The following IL3RA variants were observed in gnomAD, a reference collection of about 807,000 sequenced individuals.
The protein encoded by IL3RA is interleukin 3 receptor subunit alpha.
Under a neutral mutation model 52.3 loss-of-function variants are expected in IL3RA, and 73 were observed. The observed-to-expected ratio is 1.40, with a 90% CI of 1.16 to 1.70. IL3RA has a LOEUF of 1.70. Among genes scored for constraint, IL3RA ranks in the 40% most tolerant of loss-of-function variants. IL3RA has a pLI of 0.00. For missense variants in IL3RA, 664 were observed against 504.4 expected (o/e 1.32, Z -3.03); for synonymous variants, 260 against 194.0 (o/e 1.34, Z -2.83).
chrX:1,357,794 GTT>G (rs1180616741), intron 7 of IL3RA, among the ~76,000 whole-genome samples: 1 of 140,052 alleles, frequency 7.1e-6, no homozygotes, highest in Non-Finnish European at 1.6e-5. Context: ...ATCTGTTTGG[GTT>G]TTTTTTTTTT....
At chrX:1,338,688 CCA>C (rs1188298344) in intron 1 of IL3RA, among the ~76,000 whole-genome samples, 3 of 152,164 alleles carry the variant, frequency 2.0e-5, no homozygotes, top group African/African-American at 7.2e-5. Context: ...ACAGGCAAAT[CCA>C]CAGAGACAGA....
intron 9 of IL3RA, among the ~76,000 whole-genome samples, chrX:1,378,300 A>AT (rs1329417493): frequency 2.0e-5 from 3 of 152,102 alleles, no homozygotes; most frequent in Admixed American, 2.0e-4. Flanking sequence ...CTGCCCCTCC[A>AT]TGCTGCCCAC....
At chrX:1,359,875 CTG>C (rs1283444284) in intron 8 of IL3RA, among the ~76,000 whole-genome samples, 19 of 147,724 alleles carry the variant, frequency 1.3e-4, no homozygotes, top group African/African-American at 4.8e-4. Context: ...GTGTCTGTCT[CTG>C]TAACCTTCTC....
intron 7 of IL3RA, among the ~76,000 whole-genome samples, chrX:1,358,316 C>T (rs1569524001): frequency 1.3e-5 from 2 of 151,952 alleles, no homozygotes; most frequent in Admixed American, 1.3e-4. Context: ...TGTTTGTCCA[C>T]CGGCCTCACA....
chrX:1,337,345 C>T (rs2085354089), intron 1 of IL3RA, among the ~76,000 whole-genome samples: 1 of 152,168 alleles, frequency 6.6e-6, no homozygotes, highest in South Asian at 2.1e-4. Flanking sequence ...GAGCTGACTG[C>T]CAGCCGGGGA....
At chrX:1,368,787 A>C (rs1603448696) in intron 9 of IL3RA, among the ~76,000 whole-genome samples, 1 of 126,372 alleles carries the variant, frequency 7.9e-6, no homozygotes, top group Non-Finnish European at 1.6e-5. Flanking sequence ...TGGATCTCAG[A>C]CCTCCAGCCT....
intron 10 of IL3RA, among the ~76,000 whole-genome samples, chrX:1,380,610 G>A (rs867137711): frequency 4.8e-5 from 1 of 20,622 alleles, no homozygotes; most frequent in Non-Finnish European, 8.2e-5. Context: ...GGAGAGGGGA[G>A]GATGAGTGGG....
intron 8 of IL3RA, among the ~76,000 whole-genome samples, chrX:1,362,552 CCTCT>C (rs1353128038): frequency 2.6e-5 from 4 of 151,834 alleles, no homozygotes; most frequent in Non-Finnish European, 4.4e-5. Context: ...CTCTGTCTCC[CCTCT>C]CTGTGTCTCT....
rs376726469 is a variant in IL3RA, at chrX:1,345,395, C to T, written c.144C>T (p.Thr48=). 59 of 1,609,506 alleles carry T rather than the reference C, an allele frequency of 3.7e-5. No homozygotes were observed. The Admixed American group carries it at 6.0e-4, about 16-fold the overall frequency. ...CCTGGGACCTTAACAGAAATGTGAC[C>T]GATATCGAGTGTGTTAAAGACGCCG... ...QLTWDLNRNV[T]DIECVKDADY... is the part of the protein sequence containing the mutation. The change falls in exon 3 of 12, where the codon ACC becomes ACT. Residue 48 remains threonine, a synonymous_variant. Coordinates refer to ENST00000331035, the MANE Select transcript of IL3RA (RefSeq NM_002183.4).
At chrX:1,357,771 T>C (rs1367571542) in intron 7 of IL3RA, among the ~76,000 whole-genome samples, 4 of 151,646 alleles carry the variant, frequency 2.6e-5, no homozygotes, top group Non-Finnish European at 5.9e-5. Flanking sequence ...TATTACCAAG[T>C]GTTTTTTAGC....
intron 8 of IL3RA, among the ~76,000 whole-genome samples, chrX:1,362,758 C>G (rs1157739725): frequency 6.1e-5 from 9 of 147,108 alleles, no homozygotes; most frequent in African/African-American, 1.8e-4. Context: ...TCCTCTGCAT[C>G]CGTGTCTCCT....
At position 1,345,456 on chromosome X, in the gene IL3RA, TTTTTTA is replaced by T. The variant is rs767684553; in HGVS notation, c.183+33_183+38del. 7.7e-5 allele frequency: 107 copies of T among 1,389,986 alleles called. 3 individuals are homozygous for T. The African/African-American group carries it at 9.7e-4, about 13-fold the overall frequency. The allele number at this position is 1,389,986 out of a possible 1,614,324, so 86.1% of individuals were successfully genotyped here. On this transcript the variant is annotated intron_variant, in intron 3 of 11. Coordinates refer to ENST00000331035, the MANE Select transcript of IL3RA (RefSeq NM_002183.4). ...GCCGGTAAATCATACTCTCTATTGT[TTTTTTA>T]TTTTTATTTTATTTATTTATGTATT...
intron 4 of IL3RA, among the ~76,000 whole-genome samples, chrX:1,348,826 C>T (rs2085941247): frequency 1.4e-5 from 2 of 147,184 alleles, no homozygotes; most frequent in South Asian, 2.2e-4. Context: ...CCCTCCTTCT[C>T]TCCTTTTCCT....
At chrX:1,350,641 C>T (rs2086041566) in intron 4 of IL3RA, among the ~76,000 whole-genome samples, 1 of 149,814 alleles carries the variant, frequency 6.7e-6, no homozygotes, top group Non-Finnish European at 1.5e-5. Flanking sequence ...GTGGCTCACA[C>T]CTGTAATCCC....
chrX:1,338,480 T>C (rs1411198685), intron 1 of IL3RA, among the ~76,000 whole-genome samples: 1 of 151,574 alleles, frequency 6.6e-6, no homozygotes, highest in South Asian at 2.1e-4. Context: ...AGAGTCCTCA[T>C]ACCCATCTAT....
At chrX:1,359,479 TTCTC>T (rs1192378594) in intron 8 of IL3RA, among the ~76,000 whole-genome samples, 5 of 149,228 alleles carry the variant, frequency 3.4e-5, no homozygotes, top group South Asian at 2.2e-4. Flanking sequence ...CTCCCTCTCT[TTCTC>T]TCTCTCTCGT....
chrX:1,353,805 A>AC (rs373961307), intron 6 of IL3RA, among the ~76,000 whole-genome samples: 62,947 of 91,556 alleles, frequency 0.69, 24,231 homozygotes, highest in African/African-American at 0.72. Context: ...GGGTCATGGG[A>AC]CCCCCCCCAT....
intron 9 of IL3RA, among the ~76,000 whole-genome samples, chrX:1,377,229 TTTTC>T (rs1251053178): frequency 1.3e-5 from 2 of 152,124 alleles, no homozygotes; most frequent in Non-Finnish European, 2.9e-5. Flanking sequence ...CCTTTTTTCT[TTTTC>T]TTTTTTCTTT....
chrX:1,353,943 A>ACAC (rs2086378471), intron 6 of IL3RA, among the ~76,000 whole-genome samples: 1 of 42,814 alleles, frequency 2.3e-5, no homozygotes, highest in African/African-American at 9.4e-5. Flanking sequence ...GGGTCATGGG[A>ACAC]CCCCCCCCCC....
Sources: allele counts gnomAD v4.1 joint callset (sites outside exome capture counted in the v4.1 genomes callset), GRCh38; gene constraint gnomAD v4.1.1; transcripts MANE v1.5; gene names NCBI Gene and HGNC (gene_info 2026-07-23, HGNC 2026-07-21).